Variants in ACTR3C observed in about 807,000 individuals in gnomAD.
ACTR3C encodes the protein actin-related protein 3C.
ACTR3C carries 18 observed loss-of-function variants against 26.3 expected under a neutral mutation model. That is an observed-to-expected ratio of 0.68 (90% CI 0.47 to 1.01). The LOEUF (loss-of-function observed/expected upper bound fraction) is 1.01, where lower values mean the gene tolerates loss of function less well. Among genes scored for constraint, ACTR3C ranks in the 50% least tolerant of loss-of-function variants. The pLI, the probability that ACTR3C is intolerant of heterozygous loss-of-function variation, is 0.00. For synonymous variants in ACTR3C, 55 were observed against 94.5 expected (o/e 0.58, Z 2.42); for missense variants, 184 against 250.7 (o/e 0.73, Z 1.80).
the ACTR3C span, among the ~76,000 whole-genome samples, chr7:150,213,088 G>A: frequency 6.6e-6 from 1 of 151,880 alleles, no homozygotes. Flanking sequence ...ACAGGCTCAG[G>A]AACAGGGAGG....
chr7:150,168,641 C>A, the ACTR3C span, among the ~76,000 whole-genome samples: 2 of 150,766 alleles, frequency 1.3e-5, no homozygotes, highest in Non-Finnish European at 2.9e-5. Context: ...TCAATAAAAC[C>A]AGTCCCTGGT....
Position 150,249,022 on chromosome 7 carries a change from A to C in ACTR3C, c.597T>G (p.Gly199=), listed in dbSNP as rs1472132866. 1.5e-6 allele frequency: 1 copy of C among 686,818 alleles called. No individual in the cohort carries two copies. The highest frequency in any genetic ancestry group is 2.6e-6 in the Non-Finnish European group (1 of 378,128). The allele number at this position is 686,818 out of a possible 1,614,324, so 42.5% of individuals were successfully genotyped here. The stretch of plus-strand genomic sequence containing the variant: ...GAGGTGACAGAGGATGGAATCCGTG[A>C]CCTTGAGGATAGCTCAGTGGAATTT... ...MEQIPLSYPQ[G]HGFHPLSPPF... Residue 199 remains glycine, a synonymous_variant, in exon 7 of 8, where the codon GGT becomes GGG. Transcript: ENST00000683684.
chr7:149,904,311 C>G, the ACTR3C span, among the ~76,000 whole-genome samples: 4 of 150,648 alleles, frequency 2.7e-5, no homozygotes, highest in Non-Finnish European at 5.9e-5. Context: ...GTGGGTGAAT[C>G]ACAAGGTCAG....
chr7:150,177,125 T>G, the ACTR3C span, among the ~76,000 whole-genome samples: 1 of 150,196 alleles, frequency 6.7e-6, no homozygotes, highest in Non-Finnish European at 1.5e-5. Flanking sequence ...ATAGTCATAG[T>G]TTTTACTACC....
At chr7:149,999,820 G>A in the ACTR3C span, among the ~76,000 whole-genome samples, 1 of 152,008 alleles carries the variant, frequency 6.6e-6, no homozygotes, top group Admixed American at 6.6e-5. Flanking sequence ...ACAAAACCGT[G>A]GGTCTTTCCT....
chr7:150,039,754 C>G, the ACTR3C span, among the ~76,000 whole-genome samples: 2 of 140,576 alleles, frequency 1.4e-5, no homozygotes, highest in African/African-American at 2.6e-5. Context: ...CCTCCCCCTC[C>G]TGCGATGGGG....
At chr7:150,318,119 T>C (rs1021122607) in intron 1 of ACTR3C, among the ~76,000 whole-genome samples, 6 of 152,176 alleles carry the variant, frequency 3.9e-5, no homozygotes, top group African/African-American at 9.7e-5. Flanking sequence ...ACGAGAAGAA[T>C]AGAGTGAGGC....
the ACTR3C span, among the ~76,000 whole-genome samples, chr7:150,232,137 A>G: frequency 6.6e-6 from 1 of 152,186 alleles, no homozygotes; most frequent in Non-Finnish European, 1.5e-5. Context: ...CTTTTCCCTT[A>G]TAATTTTTCT....
chr7:150,266,227 A>G (rs1584873746), intron 6 of ACTR3C, among the ~76,000 whole-genome samples: 1 of 146,412 alleles, frequency 6.8e-6, no homozygotes, highest in African/African-American at 2.7e-5. Flanking sequence ...CAAAGGCATT[A>G]TATAAATTCA....
the ACTR3C span, among the ~76,000 whole-genome samples, chr7:150,049,866 A>C: frequency 1.1e-5 from 1 of 93,886 alleles, no homozygotes; most frequent in Non-Finnish European, 2.4e-5. Flanking sequence ...AAAACACTTT[A>C]AAAAAATAGC....
At chr7:150,085,097 G>A in the ACTR3C span, among the ~76,000 whole-genome samples, 8 of 152,176 alleles carry the variant, frequency 5.3e-5, no homozygotes, top group Non-Finnish European at 1.0e-4. Context: ...CACTGGTGGA[G>A]GAGCAATGGC....
the ACTR3C span, among the ~76,000 whole-genome samples, chr7:150,127,139 GACACACACACACACACACACAC>G: frequency 1.5e-3 from 199 of 129,678 alleles, 2 homozygotes; most frequent in Admixed American, 3.6e-3. Flanking sequence ...CCTACCATTA[GACACACACACACACACACACAC>G]ACACACACAC....
the ACTR3C span, among the ~76,000 whole-genome samples, chr7:150,029,288 G>A: frequency 6.6e-6 from 1 of 151,732 alleles, no homozygotes; most frequent in Non-Finnish European, 1.5e-5. Flanking sequence ...TGCCAGGCAC[G>A]GTGGCTCATG....
chr7:150,269,475 C>G lies in ACTR3C; in HGVS notation c.564+15278G>C, dbSNP rs1157842707. On this transcript the variant is annotated intron_variant, in intron 6 of 7. Transcript: ENST00000683684. ...AGACATCACCAGGCCGCTCGCAGGT[C>G]TGAGGGGAAATTAGAGGGTAATGGC... Among the ~76,000 whole-genome samples the G allele has an allele frequency of 8.0e-5, 12 of 150,782 alleles. No homozygotes were observed. The East Asian group carries it at 2.3e-3, about 29-fold the overall frequency.
chr7:150,206,568 C>T, the ACTR3C span, among the ~76,000 whole-genome samples: 17 of 152,044 alleles, frequency 1.1e-4, no homozygotes, highest in Non-Finnish European at 2.2e-4. Flanking sequence ...CATGCACCAC[C>T]ATGCCCAGAT....
the ACTR3C span, among the ~76,000 whole-genome samples, chr7:149,895,805 A>C: frequency 6.6e-6 from 1 of 152,210 alleles, no homozygotes; most frequent in Non-Finnish European, 1.5e-5. Context: ...CCTGAGCAAC[A>C]GAGTGAGACC....
At chr7:150,083,373 C>T in the ACTR3C span, among the ~76,000 whole-genome samples, 1 of 151,986 alleles carries the variant, frequency 6.6e-6, no homozygotes, top group African/African-American at 2.4e-5. Context: ...TCAAGCTCAG[C>T]CAGGGCAACA....
the ACTR3C span, among the ~76,000 whole-genome samples, chr7:150,218,947 A>G: frequency 6.6e-6 from 1 of 151,632 alleles, no homozygotes; most frequent in Non-Finnish European, 1.5e-5. Flanking sequence ...AATGTGAAAC[A>G]TATAACTACT....
the ACTR3C span, among the ~76,000 whole-genome samples, chr7:150,213,737 A>G: frequency 6.6e-6 from 1 of 150,980 alleles, no homozygotes; most frequent in South Asian, 2.1e-4. Context: ...TTTGCTTCTT[A>G]TGAGAAGACA....
Sources: gnomAD v4.1 joint callset for allele counts (sites outside exome capture counted in the v4.1 genomes callset) on GRCh38, gnomAD v4.1.1 for gene constraint, MANE v1.5 for transcripts, NCBI Gene and HGNC (gene_info 2026-07-23, HGNC 2026-07-21) for gene names.